Variants in CCDC171 observed in about 807,000 individuals in gnomAD.
CCDC171 encodes the protein coiled-coil domain-containing protein 171.
A neutral mutation model predicts 168.2 loss-of-function variants in CCDC171; 177 were observed. The ratio of observed to expected loss-of-function variants is 1.05; its 90% CI spans 0.93 to 1.19. The LOEUF (loss-of-function observed/expected upper bound fraction) is 1.19, where lower values mean the gene tolerates loss of function less well. Among genes scored for constraint, CCDC171 ranks in the 50% most tolerant of loss-of-function variants. CCDC171 has a pLI of 0.00. For missense variants in CCDC171, 1,991 were observed against 1,539.0 expected, an observed-to-expected ratio of 1.29 and a Z score of -4.91; for synonymous variants, 687 against 540.8, an observed-to-expected ratio of 1.27 and a Z score of -3.75.
chr9:15,888,634 G>A (rs10962194), intron 24 of CCDC171, among the ~76,000 whole-genome samples: 10,613 of 152,000 alleles, frequency 0.07, 842 homozygotes, highest in African/African-American at 0.19. Flanking sequence ...GAATTGTTTC[G>A]CTTATTATAT....
At chr9:15,936,223 T>G (rs1413420497) in intron 25 of CCDC171, among the ~76,000 whole-genome samples, 1 of 152,036 alleles carries the variant, frequency 6.6e-6, no homozygotes, top group Non-Finnish European at 1.5e-5. Flanking sequence ...TTTTTCTTTC[T>G]TAATAACAGA....
intron 6 of CCDC171, among the ~76,000 whole-genome samples, chr9:15,598,778 G>A (rs1030947614): frequency 2.6e-5 from 4 of 152,120 alleles, no homozygotes; most frequent in Non-Finnish European, 5.9e-5. Context: ...TATTGTGTGG[G>A]AGTCTAAGTC....
At chr9:16,040,649 A>G (rs910483529), upstream of CCDC171, among the ~76,000 whole-genome samples, 1 of 152,196 alleles carries the variant, frequency 6.6e-6, no homozygotes, top group Non-Finnish European at 1.5e-5. Context: ...TAAATCATAG[A>G]GTGTTTTACA....
intron 2 of CCDC171, among the ~76,000 whole-genome samples, chr9:15,568,166 G>C (rs1190825799): frequency 6.6e-6 from 1 of 151,270 alleles, no homozygotes; most frequent in African/African-American, 2.4e-5. Flanking sequence ...TCAGAATCAT[G>C]TCCTTTGTAA....
chr9:15,821,271 T>G lies in CCDC171; in HGVS notation c.3268-25431T>G, dbSNP rs1355620502. Among the ~76,000 whole-genome samples the G allele has an allele frequency of 1.7e-5, 2 of 117,132 alleles. 1 individual carries two copies. Among genetic ancestry groups the G allele is most frequent in the Non-Finnish European group, 3.8e-5 (2 of 52,218 alleles). The allele number at this position is 117,132 out of a possible 152,430, so 76.8% of individuals were successfully genotyped here. ...AACTGGAAGCATTCCCTTTGAAAAC[T>G]GGCACAAGACAGGGATGCCCTCTCT... On this transcript the variant is annotated intron_variant, in intron 21 of 25. Transcript: ENST00000380701.
In CCDC171 at chr9:15,628,863, A is replaced by T. The variant is rs374995565; in HGVS notation, c.822+5450A>T. Among the ~76,000 whole-genome samples the T allele has an allele frequency of 2.6e-5, 4 of 152,312 alleles. No homozygotes were observed. The South Asian group carries it at 8.3e-4, about 32-fold the overall frequency. On this transcript the variant is annotated intron_variant, in intron 7 of 25. Coordinates refer to ENST00000380701, the MANE Select transcript of CCDC171 (RefSeq NM_173550.4). Reference sequence around the variant, plus strand: ...AGAGGAACGATCAGACAGCAGCATTAACGGTTCACGAAAATCCGCTGTTCT... The same window carrying T: ...AGAGGAACGATCAGACAGCAGCATTTACGGTTCACGAAAATCCGCTGTTCT...
intron 3 of CCDC171, among the ~76,000 whole-genome samples, chr9:15,981,164 A>C (rs1831783959): frequency 6.6e-6 from 1 of 152,184 alleles, no homozygotes; most frequent in African/African-American, 2.4e-5. Flanking sequence ...GGACACAGCT[A>C]AACCATATCA....
chr9:16,037,727 T>C (rs1833497291), intron 8 of CCDC171, among the ~76,000 whole-genome samples: 1 of 151,980 alleles, frequency 6.6e-6, no homozygotes, highest in Non-Finnish European at 1.5e-5. Flanking sequence ...AGATTAGATA[T>C]GGTTAAAGAA....
intron 17 of CCDC171, among the ~76,000 whole-genome samples, chr9:15,745,029 T>C (rs1461941196): frequency 6.6e-6 from 1 of 152,198 alleles, no homozygotes; most frequent in Non-Finnish European, 1.5e-5. Flanking sequence ...TGTCTTGTTT[T>C]AGATTTGAAT....
chr9:15,799,134 C>CTATATATATATATA (rs1564428726), intron 21 of CCDC171, among the ~76,000 whole-genome samples: 2 of 16,150 alleles, frequency 1.2e-4, no homozygotes, highest in East Asian at 1.8e-3. Context: ...TTCATCATTG[C>CTATATATATATATA]CATATATATA....
chr9:15,775,469 C>T lies in CCDC171; in HGVS notation c.2672-2131C>T, dbSNP rs187558873. ...GAGTAGCTGGGATTACAGGCACGTG[C>T]CACCACGCCCGGCTAATTTTTTGTA... On this transcript the variant is annotated intron_variant, in intron 18 of 25. Transcript: ENST00000380701. Among the ~76,000 whole-genome samples, 17 of 152,284 alleles carry T rather than the reference C, an allele frequency of 1.1e-4. No homozygotes were observed. In the East Asian group the frequency reaches 3.3e-3, roughly 29 times the overall value.
chr9:15,656,992 A>G (rs2047987916), intron 7 of CCDC171, 135 bp from the exon 8 acceptor site: 1 of 456,598 alleles, frequency 2.2e-6, no homozygotes, highest in Non-Finnish European at 4.0e-6. Flanking sequence ...TTTACATTCC[A>G]TTCTTGCAAA....
chr9:16,033,859 A>C (rs1833412457), intron 6 of CCDC171, among the ~76,000 whole-genome samples: 1 of 152,136 alleles, frequency 6.6e-6, no homozygotes, highest in African/African-American at 2.4e-5. Flanking sequence ...ATCCTATGCT[A>C]AGATCGGGTG....
intron 21 of CCDC171, among the ~76,000 whole-genome samples, chr9:15,792,830 A>G (rs1466576950): frequency 6.6e-6 from 1 of 152,172 alleles, no homozygotes; most frequent in African/African-American, 2.4e-5. Flanking sequence ...GAAGCACTAA[A>G]CATGGAAAGG....
chr9:15,632,988 G>T (rs1174869818), intron 7 of CCDC171, among the ~76,000 whole-genome samples: 1 of 152,098 alleles, frequency 6.6e-6, no homozygotes, highest in Non-Finnish European at 1.5e-5. Context: ...GCTGAAACTG[G>T]GTCCCTTCCT....
rs12348493 is a variant in CCDC171 at position 16,005,004 on chromosome 9, A to G, written n.369-15585A>G. 5.0e-3 allele frequency among the ~76,000 whole-genome samples: 759 copies of G among 152,346 alleles called. 6 individuals are homozygous for G. Among genetic ancestry groups the G allele is most frequent in the African/African-American group, 0.018 (732 of 41,582 alleles). ...AATAACATATATATTACTCATATAT[A>G]CCAGCTTTATTGAAGTATTAATCAT... On this transcript the variant is annotated intron_variant and non_coding_transcript_variant, in intron 3 of 9. Transcript: ENST00000486641.
chr9:16,024,748 G>A (rs1172597093), intron 6 of CCDC171, among the ~76,000 whole-genome samples: 1 of 152,224 alleles, frequency 6.6e-6, no homozygotes, highest in Non-Finnish European at 1.5e-5. Context: ...TTGTAGCCAT[G>A]CATCATGGAT....
intron 18 of CCDC171, among the ~76,000 whole-genome samples, chr9:15,749,028 G>A (rs998693488): frequency 1.3e-5 from 2 of 151,982 alleles, no homozygotes; most frequent in African/African-American, 4.8e-5. Flanking sequence ...TGGTAAATTG[G>A]ATAAAGAGTC....
chr9:15,668,235 A>G (rs1330194568), intron 9 of CCDC171, among the ~76,000 whole-genome samples: 1 of 152,158 alleles, frequency 6.6e-6, no homozygotes, highest in Non-Finnish European at 1.5e-5. Flanking sequence ...TCTGTCATGG[A>G]TGTTGAAGAA....
Sources: gnomAD v4.1 joint callset for allele counts (sites outside exome capture counted in the v4.1 genomes callset) on GRCh38, gnomAD v4.1.1 for gene constraint, MANE v1.5 for transcripts, NCBI Gene and HGNC (gene_info 2026-07-23, HGNC 2026-07-21) for gene names.